Variants in SLC45A4 observed in about 807,000 individuals in gnomAD.
SLC45A4 encodes polyamine-transporter SLC45A4.
A neutral mutation model predicts 63.7 loss-of-function variants in SLC45A4; 32 were observed. That is an observed-to-expected ratio of 0.50 (90% CI 0.38 to 0.67). SLC45A4 has a LOEUF of 0.67. Ranked by LOEUF, SLC45A4 falls within the 30% of genes least tolerant of loss-of-function variation. The probability of loss-of-function intolerance (pLI) is 0.00; values close to 1 mark genes in which losing one functional copy is unlikely to be tolerated. For synonymous variants in SLC45A4, 535 were observed against 510.0 expected, an observed-to-expected ratio of 1.05 and a Z score of -0.66; for missense variants, 1,027 against 1,157.7, an observed-to-expected ratio of 0.89 and a Z score of 1.64.
At chr8:141,296,574 G>A (rs939157031) in intron 1 of SLC45A4, among the ~76,000 whole-genome samples, 4 of 147,938 alleles carry the variant, frequency 2.7e-5, no homozygotes, top group Admixed American at 2.7e-4. Context: ...GGTGGCTCAC[G>A]CCAGTAATCC....
At position 141,294,905 on chromosome 8, in the gene SLC45A4, A is replaced by C. The variant is rs145637845; in HGVS notation, c.-401+13191T>G. Among the ~76,000 whole-genome samples, 280 of 152,290 alleles carry C rather than the reference A, an allele frequency of 1.8e-3. 1 individual carries two copies. Among genetic ancestry groups the C allele is most frequent in the African/African-American group, 6.3e-3 (260 of 41,562 alleles). On this transcript the variant is annotated intron_variant, in intron 1 of 8. Transcript: ENST00000517878. ...TCTGGGGGCTCCCAGGGCACTCCCA[A>C]GTGGCAGCCTCAGCTCGAAGGTGAG...
intron 2 of SLC45A4, among the ~76,000 whole-genome samples, chr8:141,244,953 TGGG>T (rs1828097872): frequency 7.2e-5 from 2 of 27,760 alleles, no homozygotes; most frequent in African/African-American, 6.4e-4. Context: ...CAAGAAGACG[TGGG>T]TGGGGGGGGG....
intron 1 of SLC45A4, among the ~76,000 whole-genome samples, chr8:141,288,961 G>A (rs1045546968): frequency 6.6e-5 from 10 of 152,072 alleles, no homozygotes; most frequent in Admixed American, 3.9e-4. Flanking sequence ...CAGTACCATC[G>A]AGGCGCTAAT....
rs753083404 is a variant in SLC45A4 at position 141,269,169 on chromosome 8, C to T, written c.-400-14540G>A. On this transcript the variant is annotated intron_variant, in intron 1 of 8. Transcript: ENST00000517878. ...GCTCCAGGCTGCGCTGTCACCCTGGCGGGGCAGCTACTACGTCCCCGCTTT... is the reference window on the plus strand; with the variant it reads ...GCTCCAGGCTGCGCTGTCACCCTGGTGGGGCAGCTACTACGTCCCCGCTTT... Among the ~76,000 whole-genome samples the T allele has an allele frequency of 7.9e-5, 12 of 152,336 alleles. No homozygotes were observed. In the South Asian group the frequency reaches 1.7e-3, roughly 21 times the overall value.
rs144992718 is a variant in SLC45A4 at position 141,217,181 on chromosome 8, C to A, written c.1638G>T (p.Ser546=). ...TGTAGGCTTGCCAGGCGGTCGAGTT[C>A]GAGGGGGCCTGTTCCGGAAATGAGA... is the stretch of plus-strand genomic sequence containing the variant. ...VIFEGDPKAP[S]NSTAWQAYNA... is the part of the protein sequence containing the mutation. The change falls in exon 6 of 9, where the codon TCG becomes TCT. Residue 546 remains serine, a synonymous_variant. Transcript: ENST00000517878. 13 of 1,613,524 alleles carry A rather than the reference C, an allele frequency of 8.1e-6. No homozygotes were observed. The highest frequency in any genetic ancestry group is 1.1e-5 in the Non-Finnish European group (13 of 1,179,970).
chr8:141,214,600 G>C (rs1826025502), intron 7 of SLC45A4, among the ~76,000 whole-genome samples: 1 of 152,222 alleles, frequency 6.6e-6, no homozygotes, highest in Admixed American at 6.5e-5. Flanking sequence ...CTAACATTTA[G>C]ATGACAAATA....
chr8:141,288,439 C>T (rs978086374), intron 1 of SLC45A4, among the ~76,000 whole-genome samples: 4 of 152,232 alleles, frequency 2.6e-5, no homozygotes, highest in African/African-American at 4.8e-5. Flanking sequence ...TGACCCACCA[C>T]GGGACAAGGC....
chr8:141,300,701 G>T (rs559509737), intron 1 of SLC45A4, among the ~76,000 whole-genome samples: 1 of 152,362 alleles, frequency 6.6e-6, no homozygotes, highest in East Asian at 1.9e-4. Flanking sequence ...GGCCATGTCA[G>T]TCTTCTCTGC....
chr8:141,228,509 T>C, intron 2 of SLC45A4: 1 of 1,321,752 alleles, frequency 7.6e-7, no homozygotes, highest in East Asian at 2.9e-5. Context: ...GCACCTGTCT[T>C]CACTGGCCAG....
intron 3 of SLC45A4, among the ~76,000 whole-genome samples, chr8:141,221,031 C>G (rs1349397134): frequency 6.6e-6 from 1 of 152,262 alleles, no homozygotes; most frequent in Non-Finnish European, 1.5e-5. Flanking sequence ...CCTCAGCTCC[C>G]TCCGCATCAG....
chr8:141,240,863 G>A (rs1288907188), intron 2 of SLC45A4, among the ~76,000 whole-genome samples: 1 of 152,268 alleles, frequency 6.6e-6, no homozygotes, highest in Non-Finnish European at 1.5e-5. Context: ...GATGTGCAGA[G>A]TGGGGCCTGC....
rs756274101 is a variant in SLC45A4, at chr8:141,212,194, G to A, written c.2301+3C>T. On this transcript the variant is annotated splice_donor_region_variant and intron_variant, in intron 8 of 8. Coordinates refer to ENST00000517878, the MANE Select transcript of SLC45A4 (RefSeq NM_001286646.2). The stretch of plus-strand genomic sequence containing the variant: ...TGTGTGTAAACGGGAGTGCGGCTCA[G>A]ACCACGGACTCTGTCTCCACCGGTC... 8.1e-6 allele frequency: 12 copies of A among 1,479,084 alleles called. No homozygotes were observed. Among genetic ancestry groups the A allele is most frequent in the Non-Finnish European group, 9.9e-6 (11 of 1,114,222 alleles). 91.6% of individuals were successfully genotyped at this position (1,479,084 alleles called of 1,614,324 possible).
chr8:141,280,647 GCCCAC>G (rs1829898560), intron 1 of SLC45A4, among the ~76,000 whole-genome samples: 1 of 152,164 alleles, frequency 6.6e-6, no homozygotes, highest in Non-Finnish European at 1.5e-5. Flanking sequence ...TGCTAGGCTG[GCCCAC>G]CCTCTGCAGG....
chr8:141,307,283 G>A (rs531143096), intron 1 of SLC45A4, among the ~76,000 whole-genome samples: 17 of 152,330 alleles, frequency 1.1e-4, no homozygotes, highest in African/African-American at 4.1e-4. Flanking sequence ...CAGAAGGTGC[G>A]GGGACTTCTA....
chr8:141,299,387 C>T lies in SLC45A4; in HGVS notation c.-401+8709G>A, dbSNP rs1487836255. Among the ~76,000 whole-genome samples the T allele has an allele frequency of 1.3e-5, 2 of 152,250 alleles. 1 individual carries two copies. ...CATGTTTTCAACAGCCTTGATATTC[C>T]CTTCGGCTTACCTAGGGAGACACCT... On this transcript the variant is annotated intron_variant, in intron 1 of 8. Transcript: ENST00000517878.
At position 141,256,682 on chromosome 8, in the gene SLC45A4, C is replaced by T. The variant is rs888322760; in HGVS notation, c.-400-2053G>A. On this transcript the variant is annotated intron_variant, in intron 1 of 8. Coordinates refer to ENST00000517878, the MANE Select transcript of SLC45A4 (RefSeq NM_001286646.2). The surrounding 1 kb of genome is among the most constrained non-coding windows in gnomAD (Gnocchi z 4.3). The stretch of plus-strand genomic sequence containing the variant: ...TTAAGAACCAAAGGTTCAAGTGGTG[C>T]TACCTATGTATTTGCTTCTTACGTC... 2.6e-5 allele frequency: 12 copies of T among 454,576 alleles called. No individual in the cohort carries two copies. The highest frequency in any genetic ancestry group is 6.0e-5 in the African/African-American group (3 of 50,064). 28.2% of individuals were successfully genotyped at this position (454,576 alleles called of 1,614,324 possible). A position where few individuals can be genotyped will look rare whatever the true frequency, so the allele number is the denominator to read the frequency against.
chr8:141,280,348 G>A (rs1207865935), intron 1 of SLC45A4, among the ~76,000 whole-genome samples: 1 of 152,214 alleles, frequency 6.6e-6, no homozygotes, highest in Non-Finnish European at 1.5e-5. Flanking sequence ...ACAGGAATAG[G>A]TGGAAAATGG....
At chr8:141,217,287 C>T (rs903220645) in intron 5 of SLC45A4, 98 bp from the exon 6 acceptor site, 32 of 1,266,624 alleles carry the variant, frequency 2.5e-5, no homozygotes, top group Non-Finnish European at 3.1e-5. Context: ...GCTGCTCATT[C>T]TAAGAGCGGT....
chr8:141,304,851 G>A (rs1830853548), intron 1 of SLC45A4, among the ~76,000 whole-genome samples: 1 of 152,126 alleles, frequency 6.6e-6, no homozygotes, highest in South Asian at 2.1e-4. Context: ...TGGGTTATGC[G>A]GCTGCCCTCT....
Sources: gnomAD v4.1 joint callset for allele counts (sites outside exome capture counted in the v4.1 genomes callset) on GRCh38, gnomAD v4.1.1 for gene constraint, Gnocchi (gnomAD v3.1) non-coding constraint, MANE v1.5 for transcripts, NCBI Gene and HGNC (gene_info 2026-07-23, HGNC 2026-07-21) for gene names.